The following GRID2 variants were observed in gnomAD, a reference collection of about 807,000 sequenced individuals.
The protein encoded by GRID2 is glutamate ionotropic receptor delta type subunit 2, also known as glutamate receptor ionotropic, delta-2.
GRID2 carries 33 observed loss-of-function variants against 114.8 expected under a neutral mutation model. The observed-to-expected ratio is 0.29, with a 90% CI of 0.22 to 0.38. GRID2 has a LOEUF of 0.38. Among genes scored for constraint, GRID2 ranks in the 10% least tolerant of loss-of-function variants. GRID2 has a pLI of 1.00. For missense variants in GRID2, 1,184 were observed against 1,257.7 expected (o/e 0.94, Z 0.89); for synonymous variants, 505 against 449.9 (o/e 1.12, Z -1.55).
intron 2 of GRID2, among the ~76,000 whole-genome samples, chr4:92,839,596 G>A (rs971766212): frequency 3.3e-5 from 5 of 151,452 alleles, no homozygotes; most frequent in Non-Finnish European, 7.4e-5. Flanking sequence ...TCATTCAAGA[G>A]CATATTGTTT....
intron 14 of GRID2, among the ~76,000 whole-genome samples, chr4:93,658,525 GTTAAGTGAC>G (rs1723214341): frequency 6.6e-6 from 1 of 152,102 alleles, no homozygotes; most frequent in Non-Finnish European, 1.5e-5. Context: ...GATTACAGAG[GTTAAGTGAC>G]TTAAGTAGCT....
At chr4:92,807,891 A>G (rs775040652) in intron 2 of GRID2, among the ~76,000 whole-genome samples, 1 of 152,038 alleles carries the variant, frequency 6.6e-6, no homozygotes, top group Non-Finnish European at 1.5e-5. Flanking sequence ...GTATTGTGGT[A>G]GGCAGAATAA....
At chr4:93,061,367 C>T (rs1340758562) in intron 2 of GRID2, among the ~76,000 whole-genome samples, 1 of 151,770 alleles carries the variant, frequency 6.6e-6, no homozygotes, top group African/African-American at 2.4e-5. Context: ...CTAGATAGAA[C>T]ATGCTTTTCT....
chr4:93,263,246 T>C (rs1750448605), intron 8 of GRID2, among the ~76,000 whole-genome samples: 1 of 152,064 alleles, frequency 6.6e-6, no homozygotes, highest in African/African-American at 2.4e-5. Context: ...AGATTTATTT[T>C]GTTTTGACTT....
At chr4:93,238,627 T>G in intron 8 of GRID2, 137 bp downstream of exon 8, 2 of 585,448 alleles carry the variant, frequency 3.4e-6, no homozygotes, top group Non-Finnish European at 5.8e-6. Flanking sequence ...TGAGGGGAAA[T>G]TAGGCATTGA....
intron 2 of GRID2, among the ~76,000 whole-genome samples, chr4:92,783,852 A>C (rs1409879410): frequency 1.3e-5 from 2 of 151,878 alleles, no homozygotes; most frequent in African/African-American, 2.4e-5. Context: ...ATGCTACTGC[A>C]CTCTAGCCTG....
intron 2 of GRID2, among the ~76,000 whole-genome samples, chr4:92,620,056 T>C (rs1730192775): frequency 6.6e-6 from 1 of 151,750 alleles, no homozygotes. Context: ...AAATGTGGAT[T>C]ATGGGTAGAT....
intron 2 of GRID2, among the ~76,000 whole-genome samples, chr4:92,768,278 A>G (rs536542128): frequency 1.3e-5 from 2 of 152,166 alleles, no homozygotes; most frequent in Non-Finnish European, 2.9e-5. Context: ...TTCAAAGAAC[A>G]TATACTGTTT....
intron 8 of GRID2, among the ~76,000 whole-genome samples, chr4:93,371,983 T>G (rs1762977727): frequency 6.6e-6 from 1 of 152,156 alleles, no homozygotes; most frequent in South Asian, 2.1e-4. Context: ...CTTGACCTCA[T>G]GATCTGCCAG....
intron 2 of GRID2, among the ~76,000 whole-genome samples, chr4:92,611,058 ATG>A (rs988672316): frequency 8.3e-5 from 12 of 144,366 alleles, no homozygotes; most frequent in African/African-American, 2.5e-4. Context: ...GTATATATAT[ATG>A]TGTGTGTGTA....
At chr4:92,956,548 C>T (rs913924597) in intron 2 of GRID2, among the ~76,000 whole-genome samples, 1 of 152,072 alleles carries the variant, frequency 6.6e-6, no homozygotes, top group Non-Finnish European at 1.5e-5. Flanking sequence ...CTAGATGTGC[C>T]ATAATTTATC....
chr4:93,176,813 A>T (rs1739385203), intron 4 of GRID2, among the ~76,000 whole-genome samples: 1 of 152,174 alleles, frequency 6.6e-6, no homozygotes, highest in Admixed American at 6.6e-5. Context: ...CTCTATGTTT[A>T]TGTTATCTCT....
At chr4:92,591,968 G>A (rs1049503982) in intron 2 of GRID2, among the ~76,000 whole-genome samples, 2 of 151,558 alleles carry the variant, frequency 1.3e-5, no homozygotes, top group South Asian at 2.1e-4. Context: ...GAATCATCCC[G>A]ACAATATAAG....
At chr4:93,561,511 G>A (rs1008054466) in intron 13 of GRID2, among the ~76,000 whole-genome samples, 56 of 151,956 alleles carry the variant, frequency 3.7e-4, no homozygotes, top group South Asian at 8.3e-4. Context: ...TATATTTGTC[G>A]TAATTAATGC....
intron 13 of GRID2, among the ~76,000 whole-genome samples, chr4:93,516,697 T>C (rs534037725): frequency 6.6e-6 from 1 of 152,110 alleles, no homozygotes; most frequent in African/African-American, 2.4e-5. Flanking sequence ...AACATGTATT[T>C]TTGGGGAAGG....
chr4:93,809,669 T>C (rs1367529985), exon 2 of GRID2: 1 of 152,186 alleles, frequency 6.6e-6, no homozygotes, highest in Non-Finnish European at 1.5e-5. Flanking sequence ...TATATCAGTT[T>C]CCAAAATATT....
intron 5 of GRID2, among the ~76,000 whole-genome samples, chr4:93,213,706 A>G (rs2149478766): frequency 6.6e-6 from 1 of 152,254 alleles, no homozygotes; most frequent in South Asian, 2.1e-4. Flanking sequence ...GATATACTAC[A>G]AGGATTCAGA....
intron 2 of GRID2, among the ~76,000 whole-genome samples, chr4:93,026,345 A>T (rs1723882654): frequency 6.6e-6 from 1 of 151,900 alleles, no homozygotes; most frequent in Non-Finnish European, 1.5e-5. Context: ...TAGCATAGAG[A>T]AACCTATGCA....
chr4:92,373,752 T>A (rs1019620355), intron 1 of GRID2, among the ~76,000 whole-genome samples: 1 of 152,168 alleles, frequency 6.6e-6, no homozygotes, highest in Non-Finnish European at 1.5e-5. Flanking sequence ...CTTTTACTTA[T>A]ATGTCAGTTA....
Sources: gnomAD v4.1 joint callset for allele counts (sites outside exome capture counted in the v4.1 genomes callset) on GRCh38, gnomAD v4.1.1 for gene constraint, MANE v1.5 for transcripts, NCBI Gene and HGNC (gene_info 2026-07-23, HGNC 2026-07-21) for gene names.